DOCK2: variants seen among roughly 807,000 people sequenced by gnomAD.
The protein encoded by DOCK2 is dedicator of cytokinesis 2, also known as dedicator of cytokinesis protein 2.
DOCK2 carries 87 observed loss-of-function variants against 248.9 expected under a neutral mutation model. The ratio of observed to expected loss-of-function variants is 0.35; its 90% CI spans 0.29 to 0.42. DOCK2 has a LOEUF of 0.42. Among genes scored for constraint, DOCK2 ranks in the 10% least tolerant of loss-of-function variants. DOCK2 has a pLI of 1.00. For synonymous variants in DOCK2, 805 were observed against 821.6 expected (o/e 0.98, Z 0.35); for missense variants, 1,747 against 2,300.2 (o/e 0.76, Z 4.92).
At chr5:169,734,035 A>G (rs1362789966) in intron 22 of DOCK2, among the ~76,000 whole-genome samples, 1 of 151,812 alleles carries the variant, frequency 6.6e-6, no homozygotes, top group African/African-American at 2.4e-5. Flanking sequence ...AGACCTCATT[A>G]TATTCTCTAG....
Position 169,985,898 on chromosome 5 carries a change from T to G in DOCK2, c.2969T>G (p.Met990Arg). The G allele has an allele frequency of 6.2e-7, 1 of 1,611,392 alleles. No homozygotes were observed. Among genetic ancestry groups the G allele is most frequent in the Non-Finnish European group, 8.5e-7 (1 of 1,178,384 alleles). Residue 990 changes from methionine to arginine, a missense_variant, in exon 29 of 52, where the codon ATG becomes AGG. Physicochemically the swap from Met to Arg is moderately conservative, Grantham distance 91. Transcript: ENST00000520908. Reference protein sequence around the residue: ...IGKNVYPGDWMAMSMVQNRVF... With the variant: ...IGKNVYPGDWRAMSMVQNRVF... ...AAGAACGTGTACCCTGGAGACTGGA[T>G]GGCCATGAGCATGGTTCAAAACAGG...
At chr5:169,890,822 C>T (rs953577905) in intron 27 of DOCK2, among the ~76,000 whole-genome samples, 2 of 152,170 alleles carry the variant, frequency 1.3e-5, no homozygotes, top group African/African-American at 4.8e-5. Context: ...TATTCACACC[C>T]AGGTCTCCAT....
intron 27 of DOCK2, among the ~76,000 whole-genome samples, chr5:169,962,314 G>A (rs1157102226): frequency 6.6e-6 from 1 of 152,172 alleles, no homozygotes; most frequent in East Asian, 1.9e-4. Flanking sequence ...TATAGGTGCA[G>A]TCAGAAAGAA....
intron 28 of DOCK2, among the ~76,000 whole-genome samples, chr5:169,984,304 T>A (rs1249944675): frequency 6.6e-6 from 1 of 152,208 alleles, no homozygotes; most frequent in East Asian, 1.9e-4. Context: ...GAAGGGGATG[T>A]GCCTGTGATG....
intron 27 of DOCK2, among the ~76,000 whole-genome samples, chr5:169,918,232 G>A (rs1471978225): frequency 6.6e-6 from 1 of 152,118 alleles, no homozygotes; most frequent in East Asian, 1.9e-4. Context: ...GTTTTGTCTA[G>A]GACAGTCCCA....
In DOCK2 at chr5:169,832,418, G is replaced by T. The variant is rs185517605; in HGVS notation, c.2704-8339G>T. 6.6e-5 allele frequency among the ~76,000 whole-genome samples: 10 copies of T among 152,322 alleles called. No homozygotes were observed. In the East Asian group the frequency reaches 1.2e-3, roughly 18 times the overall value. Reference sequence around the variant, plus strand: ...ATGGGGTGGGGACACTCACCCAGTGGGTGGGGAGAAGCAGAGATGATGGGA... The same window carrying T: ...ATGGGGTGGGGACACTCACCCAGTGTGTGGGGAGAAGCAGAGATGATGGGA... On this transcript the variant is annotated intron_variant, in intron 26 of 51. Transcript: ENST00000520908.
At chr5:169,951,439 C>T (rs1313752718) in intron 27 of DOCK2, among the ~76,000 whole-genome samples, 1 of 152,192 alleles carries the variant, frequency 6.6e-6, no homozygotes, top group African/African-American at 2.4e-5. Context: ...ATATCTGCCC[C>T]TTCCCCACAT....
At chr5:169,896,934 A>G (rs1301113885) in intron 27 of DOCK2, among the ~76,000 whole-genome samples, 1 of 152,230 alleles carries the variant, frequency 6.6e-6, no homozygotes, top group Admixed American at 6.5e-5. Context: ...ATCAACTTTG[A>G]CGTGAGCTTC....
At chr5:169,821,941 A>G (rs575428679) in intron 26 of DOCK2, among the ~76,000 whole-genome samples, 1 of 152,142 alleles carries the variant, frequency 6.6e-6, no homozygotes, top group Non-Finnish European at 1.5e-5. Context: ...AAGCAAATGG[A>G]AAACAAAAAA....
At chr5:170,036,792 A>T (rs1005946703) in intron 36 of DOCK2, among the ~76,000 whole-genome samples, 1 of 152,190 alleles carries the variant, frequency 6.6e-6, no homozygotes, top group African/African-American at 2.4e-5. Context: ...TTGTTCCCAC[A>T]GATCATATTT....
At chr5:169,787,882 A>G (rs2113040321) in intron 25 of DOCK2, among the ~76,000 whole-genome samples, 1 of 151,494 alleles carries the variant, frequency 6.6e-6, no homozygotes, top group South Asian at 2.1e-4. Flanking sequence ...GAGCACCACC[A>G]AATAAAATTA....
At chr5:169,874,658 C>A (rs774459927) in intron 27 of DOCK2, among the ~76,000 whole-genome samples, 5 of 152,080 alleles carry the variant, frequency 3.3e-5, no homozygotes, top group Non-Finnish European at 2.9e-5. Flanking sequence ...CCGTTCTTAG[C>A]GTTTGGTCCC....
chr5:170,055,328 C>T lies in DOCK2; in HGVS notation c.4237C>T (p.Pro1413Ser). 7 of 1,614,090 alleles carry T rather than the reference C, an allele frequency of 4.3e-6. 1 individual carries two copies. Among genetic ancestry groups the T allele is most frequent in the Non-Finnish European group, 5.9e-6 (7 of 1,179,928 alleles). Reference protein sequence around the residue: ...GQYIQCFTVQPVLDEHPRFKN... With the variant: ...GQYIQCFTVQSVLDEHPRFKN... ...AGATATCCAGTGCTTCACTGTCCAG[C>T]CTGTCTTGGATGAACATCCCAGGTT... The change falls in exon 42 of 52, where the codon CCT (proline) becomes TCT (serine). Residue 1413 changes from proline (P) to serine (S), a missense_variant. Physicochemically the swap from Pro to Ser is moderately conservative, Grantham distance 74. This residue lies in a region of DOCK2 where 513 missense variants were observed against 586.1 expected (regional missense o/e 0.88). Transcript: ENST00000520908.
At chr5:169,957,418 A>C (rs1447512874) in intron 27 of DOCK2, among the ~76,000 whole-genome samples, 2 of 152,214 alleles carry the variant, frequency 1.3e-5, no homozygotes, top group African/African-American at 4.8e-5. Context: ...AACCAATGTT[A>C]GCTTAGTACT....
intron 29 of DOCK2, among the ~76,000 whole-genome samples, chr5:169,986,754 T>C (rs1003595800): frequency 6.6e-6 from 1 of 152,370 alleles, no homozygotes. Flanking sequence ...TCTTTCTCCC[T>C]GCTTTCCTTT....
chr5:169,865,904 G>A (rs952285970), intron 27 of DOCK2, among the ~76,000 whole-genome samples: 1 of 152,228 alleles, frequency 6.6e-6, no homozygotes, highest in Non-Finnish European at 1.5e-5. Flanking sequence ...CACCTCCCAG[G>A]GCCGGGGACC....
chr5:169,944,346 A>G (rs1776364022), intron 27 of DOCK2, among the ~76,000 whole-genome samples: 2 of 152,354 alleles, frequency 1.3e-5, no homozygotes, highest in East Asian at 3.9e-4. Flanking sequence ...CCTTCAAGGC[A>G]GGCAGAGGCA....
At chr5:170,066,889 C>T (rs761389829) in intron 44 of DOCK2, among the ~76,000 whole-genome samples, 2 of 152,146 alleles carry the variant, frequency 1.3e-5, no homozygotes, top group Non-Finnish European at 2.9e-5. Context: ...TACTATCTGG[C>T]CCTTTTACAG....
chr5:169,864,191 C>T, intron 27 of DOCK2: 1 of 1,249,968 alleles, frequency 8.0e-7, no homozygotes. Context: ...TGCAAAGAAG[C>T]AGGGCAGGCC....
Sources: gnomAD v4.1 joint callset for allele counts (sites outside exome capture counted in the v4.1 genomes callset) on GRCh38, gnomAD v4.1.1 for gene constraint, gnomAD v4.1.1 regional missense constraint, MANE v1.5 for transcripts, NCBI Gene and HGNC (gene_info 2026-07-23, HGNC 2026-07-21) for gene names.